Variants in CEP126 observed in about 807,000 individuals in gnomAD.
CEP126 encodes the protein centrosomal protein of 126 kDa.
A neutral mutation model predicts 107.8 loss-of-function variants in CEP126; 74 were observed. The ratio of observed to expected loss-of-function variants is 0.69; its 90% CI spans 0.57 to 0.83. The LOEUF (loss-of-function observed/expected upper bound fraction) is 0.83, where lower values mean the gene tolerates loss of function less well. Among genes scored for constraint, CEP126 ranks in the 40% least tolerant of loss-of-function variants. The pLI is 0.00. For synonymous variants in CEP126, 449 were observed against 446.0 expected, an observed-to-expected ratio of 1.01 and a Z score of -0.08; for missense variants, 1,237 against 1,281.9, an observed-to-expected ratio of 0.96 and a Z score of 0.53.
intron 2 of CEP126, among the ~76,000 whole-genome samples, chr11:101,924,585 C>A (rs1479790917): frequency 1.3e-5 from 2 of 152,140 alleles, no homozygotes; most frequent in African/African-American, 2.4e-5. Context: ...CCTGCCTCAA[C>A]CCCCCGAATA....
rs1044921150 is a variant in CEP126 at position 101,999,290 on chromosome 11, A to C, written c.*1647A>C. 2 of 151,834 alleles carry C rather than the reference A, an allele frequency of 1.3e-5. No homozygotes were observed. Among genetic ancestry groups the C allele is most frequent in the African/African-American group, 4.8e-5 (2 of 41,334 alleles). The allele number at this position is 151,834 out of a possible 1,614,324, so 9.4% of individuals were successfully genotyped here. On this transcript the variant is annotated 3_prime_UTR_variant, in exon 11 of 11. Coordinates refer to ENST00000263468, the MANE Select transcript of CEP126 (RefSeq NM_020802.4). ...AATCATTCCAAGCACCTCAGATGAA[A>C]ACTCACTTTTATTAAAAAAAAAAAA... is the stretch of plus-strand genomic sequence containing the variant.
At chr11:101,967,002 T>C (rs982254913) in intron 6 of CEP126, among the ~76,000 whole-genome samples, 1 of 150,880 alleles carries the variant, frequency 6.6e-6, no homozygotes, top group Non-Finnish European at 1.5e-5. Flanking sequence ...ACTTTCTCAT[T>C]CCAATTCATC....
In CEP126 at chr11:101,963,900, T is replaced by G; in HGVS notation, c.2845+20T>G. 6.8e-7 allele frequency: 1 copy of G among 1,479,856 alleles called. No homozygotes were observed. The highest frequency in any genetic ancestry group is 9.2e-7 in the Non-Finnish European group (1 of 1,085,216). The allele number at this position is 1,479,856 out of a possible 1,614,324, so 91.7% of individuals were successfully genotyped here. A position where few individuals can be genotyped will look rare whatever the true frequency, so the allele number is the denominator to read the frequency against. On this transcript the variant is annotated intron_variant, in intron 6 of 10. Coordinates refer to ENST00000263468, the MANE Select transcript of CEP126 (RefSeq NM_020802.4). ...CTACAGGTAAGAATAAATTTATAGC[T>G]TTTTATAGATAAAATGTACACCTTT...
At position 101,963,446 on chromosome 11, in the gene CEP126, C is replaced by G. The variant is rs775688269; in HGVS notation, c.2411C>G (p.Pro804Arg). The G allele has an allele frequency of 4.3e-6, 7 of 1,614,094 alleles. No individual in the cohort carries two copies. The South Asian group carries it at 7.7e-5, about 18-fold the overall frequency. Residue 804 changes from proline (P) to arginine (R), a missense_variant, in exon 6 of 11, where the codon CCT becomes CGT. Physicochemically the swap from Pro to Arg is moderately radical, Grantham distance 103. Transcript: ENST00000263468. ...QGKLIIPCPP[P>R]QSTSNIRSGK... ...AAATTAATTATACCTTGTCCTCCTC[C>G]TCAATCTACATCAAATATTAGAAGT...
At position 101,962,785 on chromosome 11, in the gene CEP126, A is replaced by G. The variant is rs1391563483; in HGVS notation, c.1750A>G (p.Lys584Glu). The G allele has an allele frequency of 3.1e-6, 5 of 1,603,100 alleles. No homozygotes were observed. In the African/African-American group the frequency reaches 4.0e-5, roughly 13 times the overall value. The stretch of plus-strand genomic sequence containing the variant: ...TAAAAGTATTTTAAAGAAAGAATCT[A>G]AATATGAACATGGTTATCTTAAGGC... Reference protein sequence around the residue: ...FLKSILKKESKYEHGYLKALI... With the variant: ...FLKSILKKESEYEHGYLKALI... Residue 584 changes from lysine to glutamate, a missense_variant, in exon 6 of 11, where the codon AAA (lysine) becomes GAA (glutamate). Transcript: ENST00000263468.
chr11:101,971,352 A>G (rs909830967), intron 6 of CEP126, among the ~76,000 whole-genome samples: 2 of 152,162 alleles, frequency 1.3e-5, no homozygotes, highest in African/African-American at 4.8e-5. Flanking sequence ...ACATTGATCT[A>G]TACAGTTTGT....
rs1940925940 is a variant in CEP126 at position 101,958,245 on chromosome 11, A to T, written c.584A>T (p.Asn195Ile). Residue 195 changes from asparagine to isoleucine, a missense_variant, in exon 5 of 11, where the codon AAT (asparagine) becomes ATT (isoleucine). Transcript: ENST00000263468. ...CAGAAACAACTCTTATCCAAAATCA[A>T]TTGTGAGAAAGAAATGAATGAAAAC... ...KHQKQLLSKI[N>I]CEKEMNENMR... 1 of 1,614,014 alleles carries T rather than the reference A, an allele frequency of 6.2e-7. No homozygotes were observed. The highest frequency in any genetic ancestry group is 2.2e-5 in the East Asian group (1 of 44,842).
At chr11:101,980,804 A>C (rs1941246852) in intron 7 of CEP126, among the ~76,000 whole-genome samples, 1 of 152,202 alleles carries the variant, frequency 6.6e-6, no homozygotes, top group Non-Finnish European at 1.5e-5. Flanking sequence ...AAAAAGTACA[A>C]TTGCCACTTT....
At chr11:101,990,993 G>A (rs1236446455) in intron 9 of CEP126, among the ~76,000 whole-genome samples, 1 of 151,944 alleles carries the variant, frequency 6.6e-6, no homozygotes, top group African/African-American at 2.4e-5. Context: ...GCAACATGGT[G>A]AAACCCTGTC....
chr11:101,948,781 A>G (rs949357501), intron 4 of CEP126, among the ~76,000 whole-genome samples: 1 of 152,214 alleles, frequency 6.6e-6, no homozygotes, highest in African/African-American at 2.4e-5. Flanking sequence ...TCCCTAGTGT[A>G]TAATCTGAAA....
intron 4 of CEP126, among the ~76,000 whole-genome samples, chr11:101,953,510 C>G (rs1307105100): frequency 6.6e-6 from 1 of 151,840 alleles, no homozygotes; most frequent in African/African-American, 2.4e-5. Flanking sequence ...CCACATAACT[C>G]AAAAATTTTA....
chr11:101,927,116 A>C (rs1940424026), intron 2 of CEP126, among the ~76,000 whole-genome samples: 1 of 152,186 alleles, frequency 6.6e-6, no homozygotes, highest in African/African-American at 2.4e-5. Context: ...AGCCTGGCCA[A>C]CCTGGTGAAA....
At chr11:101,949,409 A>G (rs1288520240) in intron 4 of CEP126, among the ~76,000 whole-genome samples, 2 of 152,228 alleles carry the variant, frequency 1.3e-5, no homozygotes, top group Admixed American at 6.5e-5. Context: ...CAATAAATGT[A>G]GAAATTATAT....
At chr11:101,993,384 A>G in intron 10 of CEP126, among the ~76,000 whole-genome samples, 1 of 152,214 alleles carries the variant, frequency 6.6e-6, no homozygotes, top group Non-Finnish European at 1.5e-5. Flanking sequence ...TGCAAAGGAC[A>G]TGATCTTGGT....
chr11:101,984,710 A>G (rs913690181), intron 8 of CEP126, among the ~76,000 whole-genome samples: 3 of 152,234 alleles, frequency 2.0e-5, no homozygotes, highest in African/African-American at 4.8e-5. Context: ...TTATAGGACA[A>G]AAAAAGACAT....
chr11:101,992,494 G>T (rs563264045), intron 9 of CEP126, among the ~76,000 whole-genome samples: 1 of 151,936 alleles, frequency 6.6e-6, no homozygotes, highest in South Asian at 2.1e-4. Context: ...AAAAGAGAAA[G>T]AAAGAAAACG....
chr11:101,977,630 C>CAAAAAAAAAAAAA (rs952859970), intron 6 of CEP126, among the ~76,000 whole-genome samples: 1 of 52,632 alleles, frequency 1.9e-5, no homozygotes, highest in Non-Finnish European at 3.9e-5. Flanking sequence ...GACTCTGTCT[C>CAAAAAAAAAAAAA]AAAAAAAAAA....
At chr11:101,930,838 T>G (rs184790624) in intron 2 of CEP126, among the ~76,000 whole-genome samples, 47 of 152,340 alleles carry the variant, frequency 3.1e-4, no homozygotes, top group African/African-American at 1.1e-3. Flanking sequence ...CCCAAATATT[T>G]TCAATCCAGG....
At chr11:101,915,510 A>G in intron 1 of CEP126, 98 bp downstream of exon 1, 3 of 1,442,288 alleles carry the variant, frequency 2.1e-6, no homozygotes, top group South Asian at 2.7e-5. Flanking sequence ...CAGGGTGATC[A>G]AAACTAGCAA....
Sources: allele counts gnomAD v4.1 joint callset (sites outside exome capture counted in the v4.1 genomes callset), GRCh38; gene constraint gnomAD v4.1.1; transcripts MANE v1.5; gene names NCBI Gene and HGNC (gene_info 2026-07-23, HGNC 2026-07-21).